The following CFAP95 variants were observed in gnomAD, a reference collection of about 807,000 sequenced individuals.
The protein encoded by CFAP95 is cilia- and flagella-associated protein 95.
the CFAP95 span, among the ~76,000 whole-genome samples, chr9:69,875,161 A>G: frequency 6.6e-6 from 1 of 152,170 alleles, no homozygotes. Flanking sequence ...TTTGGGGAGC[A>G]CATAATGTAC....
chr9:69,871,276 G>A, the CFAP95 span, among the ~76,000 whole-genome samples: 2 of 152,040 alleles, frequency 1.3e-5, no homozygotes, highest in Non-Finnish European at 1.5e-5. Context: ...CCTATGGGAG[G>A]CATGCATGGT....
At chr9:69,870,395 T>C in the CFAP95 span, among the ~76,000 whole-genome samples, 2 of 152,216 alleles carry the variant, frequency 1.3e-5, no homozygotes, top group East Asian at 1.9e-4. Context: ...AGACATTTAT[T>C]TGGTCACCTG....
the CFAP95 span, among the ~76,000 whole-genome samples, chr9:69,861,796 C>A: frequency 6.8e-6 from 1 of 146,806 alleles, no homozygotes; most frequent in Admixed American, 6.8e-5. Flanking sequence ...TTTAGTGGAG[C>A]TTTTTGAAGA....
chr9:69,856,931 T>TTTC, the CFAP95 span, among the ~76,000 whole-genome samples: 1 of 151,240 alleles, frequency 6.6e-6, no homozygotes, highest in Non-Finnish European at 1.5e-5. Flanking sequence ...TTTTTTTTTT[T>TTTC]TTTTTTTCTG....
chr9:69,836,636 A>G, the CFAP95 span, among the ~76,000 whole-genome samples: 6 of 150,616 alleles, frequency 4.0e-5, no homozygotes, highest in Non-Finnish European at 8.8e-5. Context: ...AATAAAAAGT[A>G]TCCAAATTCC....
the CFAP95 span, among the ~76,000 whole-genome samples, chr9:69,849,803 A>C: frequency 6.6e-6 from 1 of 152,226 alleles, no homozygotes; most frequent in Non-Finnish European, 1.5e-5. Context: ...TTGGGGAAAT[A>C]GATTCACAGG....
the CFAP95 span, among the ~76,000 whole-genome samples, chr9:69,831,492 C>G: frequency 6.6e-6 from 1 of 152,044 alleles, no homozygotes; most frequent in Admixed American, 6.5e-5. Context: ...CTGTTGAAAG[C>G]ACTTTGCTGG....
the CFAP95 span, among the ~76,000 whole-genome samples, chr9:69,904,736 T>C: frequency 6.6e-6 from 1 of 152,194 alleles, no homozygotes; most frequent in Non-Finnish European, 1.5e-5. Flanking sequence ...AAAGGACCTC[T>C]ATTTGACCTA....
chr9:69,888,224 G>T, the CFAP95 span, among the ~76,000 whole-genome samples: 1 of 152,052 alleles, frequency 6.6e-6, no homozygotes. Context: ...TTTTGAAAAG[G>T]TAGCATAACC....
At chr9:69,871,197 G>T in the CFAP95 span, among the ~76,000 whole-genome samples, 4 of 152,022 alleles carry the variant, frequency 2.6e-5, no homozygotes, top group African/African-American at 9.7e-5. Context: ...CAGCCTGGGG[G>T]ACAGAGGGAG....
chr9:69,858,923 A>T, the CFAP95 span, among the ~76,000 whole-genome samples: 1 of 152,220 alleles, frequency 6.6e-6, no homozygotes, highest in Admixed American at 6.5e-5. Flanking sequence ...AACTTTCATT[A>T]TGTACAGGTA....
the CFAP95 span, among the ~76,000 whole-genome samples, chr9:69,855,299 T>C: frequency 6.6e-6 from 1 of 152,244 alleles, no homozygotes; most frequent in Non-Finnish European, 1.5e-5. Flanking sequence ...TTTGCTGAAA[T>C]GTTTTACTGT....
the CFAP95 span, among the ~76,000 whole-genome samples, chr9:69,848,843 C>A: frequency 6.6e-6 from 1 of 152,056 alleles, no homozygotes; most frequent in South Asian, 2.1e-4. Flanking sequence ...CCTCTTGGGA[C>A]AAAAGTAGCC....
the CFAP95 span, chr9:69,902,297 A>G: frequency 4.4e-6 from 2 of 454,226 alleles, no homozygotes; most frequent in Admixed American, 2.4e-5. Flanking sequence ...CTCTTCTCTA[A>G]GCCTTCATAG....
At chr9:69,867,405 G>T in the CFAP95 span, among the ~76,000 whole-genome samples, 7 of 152,168 alleles carry the variant, frequency 4.6e-5, no homozygotes, top group African/African-American at 1.7e-4. Context: ...TATCTGCCAA[G>T]TGGAAAGTCA....
chr9:69,886,461 T>C, the CFAP95 span, among the ~76,000 whole-genome samples: 129,871 of 152,160 alleles, frequency 0.85, 55,663 homozygotes, highest in Middle Eastern at 0.93. Context: ...ACTGCAATAG[T>C]GAAGGCCATA....
At chr9:69,841,277 G>A in the CFAP95 span, among the ~76,000 whole-genome samples, 1 of 149,090 alleles carries the variant, frequency 6.7e-6, no homozygotes, top group Non-Finnish European at 1.5e-5. Context: ...TAAAGAGGTG[G>A]GCCTTGGGGC....
At chr9:69,845,199 C>T in the CFAP95 span, among the ~76,000 whole-genome samples, 1 of 152,142 alleles carries the variant, frequency 6.6e-6, no homozygotes, top group Non-Finnish European at 1.5e-5. Context: ...ATATTTATGG[C>T]ATAAGTAATT....
chr9:69,856,572 A>C, the CFAP95 span: 1 of 1,607,342 alleles, frequency 6.2e-7, no homozygotes, highest in Non-Finnish European at 8.5e-7. Flanking sequence ...CATCAGAAAC[A>C]CATGAAAAGT....
Sources: gnomAD v4.1 joint callset for allele counts (sites outside exome capture counted in the v4.1 genomes callset) on GRCh38, gnomAD v4.1.1 for gene constraint, MANE v1.5 for transcripts, NCBI Gene and HGNC (gene_info 2026-07-23, HGNC 2026-07-21) for gene names.